The following C12orf56 variants were observed in gnomAD, a reference collection of about 807,000 sequenced individuals.
The protein encoded by C12orf56 is chromosome 12 open reading frame 56, also known as uncharacterized protein C12orf56.
Under a neutral mutation model 69.9 loss-of-function variants are expected in C12orf56, and 71 were observed. The observed-to-expected ratio is 1.02, with a 90% confidence interval of 0.84 to 1.24. The LOEUF is 1.24. C12orf56 is among the 50% of genes most tolerant of loss of function. C12orf56 has a pLI of 0.00. For missense variants in C12orf56, 732 were observed against 738.5 expected, an observed-to-expected ratio of 0.99 and a Z score of 0.10; for synonymous variants, 276 against 274.1, an observed-to-expected ratio of 1.01 and a Z score of -0.07.
chr12:64,284,718 A>C lies in C12orf56; in HGVS notation c.1256T>G (p.Met419Arg), dbSNP rs766673312. 1 of 1,611,444 alleles carries C rather than the reference A, an allele frequency of 6.2e-7. No homozygotes were observed. Among genetic ancestry groups the C allele is most frequent in the African/African-American group, 1.3e-5 (1 of 74,908 alleles). Residue 419 changes from methionine (M) to arginine (R), a missense_variant, in exon 8 of 13, where the codon ATG becomes AGG. Coordinates refer to ENST00000543942, the MANE Select transcript of C12orf56 (RefSeq NM_001170633.2). ...CIEIIQTLVL[M>R]FRETETESSR... ...TGACTCGGTTTCTGTTTCTCTGAAC[A>C]TCAATACTAGGGTCTGTATAATTTC...
At chr12:64,270,251 A>G (rs1161867033) in intron 12 of C12orf56, among the ~76,000 whole-genome samples, 1 of 151,874 alleles carries the variant, frequency 6.6e-6, no homozygotes, top group African/African-American at 2.4e-5. Context: ...CAAAAAAAAA[A>G]TTAGCCAGGC....
At chr12:64,277,848 G>A (rs1201088856) in intron 8 of C12orf56, 45 bp from the exon 9 acceptor site, 3 of 1,421,294 alleles carry the variant, frequency 2.1e-6, no homozygotes, top group African/African-American at 2.9e-5. Context: ...AAAGTGTTGA[G>A]AGGAAAAATG....
intron 2 of C12orf56, among the ~76,000 whole-genome samples, chr12:64,348,655 T>A (rs1255809415): frequency 6.6e-6 from 1 of 152,198 alleles, no homozygotes; most frequent in East Asian, 1.9e-4. Flanking sequence ...CATGGGTATG[T>A]TTAATCTTCC....
chr12:64,303,938 GC>G (rs1483947588), intron 5 of C12orf56, among the ~76,000 whole-genome samples, 159 bp from the exon 6 acceptor site: 1 of 152,118 alleles, frequency 6.6e-6, no homozygotes, highest in African/African-American at 2.4e-5. Context: ...AGTGAAACTT[GC>G]TCCCCACAAA....
chr12:64,308,949 A>AAGAAAG (rs1240058847), intron 5 of C12orf56, among the ~76,000 whole-genome samples: 1 of 108,834 alleles, frequency 9.2e-6, no homozygotes, highest in Non-Finnish European at 1.9e-5. Context: ...AGAAGAAAGA[A>AAGAAAG]AGAAAGAAAG....
At chr12:64,293,490 A>T (rs1054696170) in intron 6 of C12orf56, 10 of 152,208 alleles carry the variant, frequency 6.6e-5, no homozygotes, top group African/African-American at 2.4e-4. Context: ...CCTGTCGCTC[A>T]GTTTCTTTGT....
intron 6 of C12orf56, among the ~76,000 whole-genome samples, chr12:64,289,202 T>C (rs1441897367): frequency 3.8e-5 from 3 of 79,712 alleles, no homozygotes; most frequent in African/African-American, 1.2e-4. Context: ...ATTGATTTTG[T>C]ATCCTGAGAC....
intron 6 of C12orf56, among the ~76,000 whole-genome samples, chr12:64,298,662 G>C (rs965111812): frequency 1.3e-5 from 2 of 152,206 alleles, no homozygotes; most frequent in South Asian, 2.1e-4. Context: ...GCTTGTTTGT[G>C]TCAGGTTTGT....
intron 1 of C12orf56, among the ~76,000 whole-genome samples, chr12:64,363,544 A>G (rs1157652850): frequency 6.6e-6 from 1 of 152,140 alleles, no homozygotes; most frequent in African/African-American, 2.4e-5. Context: ...GAGGAGGAGG[A>G]AGAGGGGAAA....
chr12:64,388,853 T>C (rs149543119), intron 1 of C12orf56, among the ~76,000 whole-genome samples: 68 of 152,222 alleles, frequency 4.5e-4, no homozygotes, highest in African/African-American at 1.6e-3. Context: ...TGAGACTGTC[T>C]CCAAAAAAAT....
chr12:64,390,618 C>T lies in C12orf56; in HGVS notation c.-53G>A, dbSNP rs2039857895. The T allele has an allele frequency of 1.4e-6, 2 of 1,401,782 alleles. No individual in the cohort carries two copies. The highest frequency in any genetic ancestry group is 1.8e-6 in the Non-Finnish European group (2 of 1,087,098). The allele number at this position is 1,401,782 out of a possible 1,614,324, so 86.8% of individuals were successfully genotyped here. Reference sequence around the variant, plus strand: ...CTGGGACTCGAGGCCCTCAGCTCGCCCTCTCCCCGCCCCCGCGCTGGAACC... The same window carrying T: ...CTGGGACTCGAGGCCCTCAGCTCGCTCTCTCCCCGCCCCCGCGCTGGAACC... On this transcript the variant is annotated 5_prime_UTR_variant, in exon 1 of 13. Coordinates refer to ENST00000543942, the MANE Select transcript of C12orf56 (RefSeq NM_001170633.2).
chr12:64,307,180 CGT>C (rs994728906), intron 5 of C12orf56, among the ~76,000 whole-genome samples: 25 of 151,796 alleles, frequency 1.6e-4, no homozygotes, highest in Non-Finnish European at 3.5e-4. Context: ...TTAGAGTAAA[CGT>C]ATGAAAACCT....
intron 2 of C12orf56, among the ~76,000 whole-genome samples, chr12:64,335,490 A>G (rs1437586185): frequency 6.6e-6 from 1 of 150,568 alleles, no homozygotes; most frequent in African/African-American, 2.4e-5. Flanking sequence ...TCCCATCTGC[A>G]TTGTTCATTT....
At chr12:64,379,754 T>C (rs556352179) in intron 1 of C12orf56, among the ~76,000 whole-genome samples, 1 of 151,772 alleles carries the variant, frequency 6.6e-6, no homozygotes, top group African/African-American at 2.4e-5. Flanking sequence ...ATCTATAATA[T>C]GGCCTCAGCT....
intron 3 of C12orf56, among the ~76,000 whole-genome samples, chr12:64,330,564 A>G (rs1001272714): frequency 6.6e-6 from 1 of 152,182 alleles, no homozygotes; most frequent in African/African-American, 2.4e-5. Flanking sequence ...TATTTTCTTA[A>G]TTTGTGCAAA....
At chr12:64,385,068 A>AG (rs1225141114) in intron 1 of C12orf56, among the ~76,000 whole-genome samples, 7 of 151,986 alleles carry the variant, frequency 4.6e-5, no homozygotes, top group Non-Finnish European at 1.0e-4. Context: ...AAAAAAAAAA[A>AG]AAGTGTCTAA....
In C12orf56 at chr12:64,308,766, C is replaced by T. The variant is rs1323081402; in HGVS notation, c.968+3913G>A. On this transcript the variant is annotated intron_variant, in intron 5 of 12. Transcript: ENST00000543942. The stretch of plus-strand genomic sequence containing the variant: ...GCTAAGGCAGGAGAATTGCTTGAAC[C>T]CGGGTGGTGGAGGTTGCAGTGAGCC... 8.0e-5 allele frequency among the ~76,000 whole-genome samples: 12 copies of T among 150,806 alleles called. No individual in the cohort carries two copies. The Admixed American group carries it at 8.0e-4, about 10-fold the overall frequency.
At chr12:64,356,088 C>T (rs961102117) in intron 1 of C12orf56, among the ~76,000 whole-genome samples, 5 of 143,014 alleles carry the variant, frequency 3.5e-5, no homozygotes, top group African/African-American at 8.2e-5. Context: ...TGCTTGAACC[C>T]GGGAGGTGGA....
chr12:64,341,908 T>C (rs1263546580), intron 2 of C12orf56, among the ~76,000 whole-genome samples: 1 of 152,106 alleles, frequency 6.6e-6, no homozygotes, highest in Non-Finnish European at 1.5e-5. Flanking sequence ...GCTGAGCCCA[T>C]GCATAACCTC....
Sources: gnomAD v4.1 joint callset for allele counts (sites outside exome capture counted in the v4.1 genomes callset) on GRCh38, gnomAD v4.1.1 for gene constraint, MANE v1.5 for transcripts, NCBI Gene and HGNC (gene_info 2026-07-23, HGNC 2026-07-21) for gene names.